Variants in AGO2 observed in about 807,000 individuals in gnomAD.
The protein encoded by AGO2 is argonaute RISC catalytic component 2.
Under a neutral mutation model 102.3 loss-of-function variants are expected in AGO2, and 5 were observed. The ratio of observed to expected loss-of-function variants is 0.05; its 90% CI spans 0.03 to 0.10. The LOEUF is 0.10. AGO2 is among the 10% of genes least tolerant of loss of function. The pLI is 1.00. For missense variants in AGO2, 541 were observed against 1,183.7 expected, an observed-to-expected ratio of 0.46 and a Z score of 7.97; for synonymous variants, 449 against 473.1, an observed-to-expected ratio of 0.95 and a Z score of 0.66.
Position 140,598,853 on chromosome 8 carries a change from C to T in AGO2, c.23-13542G>A, listed in dbSNP as rs1047370867. ...TTCAGGGCCCAAACCCAGACACCTC[C>T]TTGCAGGACTCATGGCTACCGTGGG... On this transcript the variant is annotated intron_variant, in intron 1 of 18. Transcript: ENST00000220592. Among the ~76,000 whole-genome samples, 9 of 152,216 alleles carry T rather than the reference C, an allele frequency of 5.9e-5. 1 individual carries two copies. The highest frequency in any genetic ancestry group is 1.7e-4 in the African/African-American group (7 of 41,450).
At chr8:140,617,599 A>G (rs1381212271) in intron 1 of AGO2, among the ~76,000 whole-genome samples, 1 of 152,142 alleles carries the variant, frequency 6.6e-6, no homozygotes, top group Non-Finnish European at 1.5e-5. Context: ...GATGACACCA[A>G]TGTCGGTCAC....
chr8:140,611,295 CA>C (rs2074074795), intron 1 of AGO2, among the ~76,000 whole-genome samples: 1 of 151,932 alleles, frequency 6.6e-6, no homozygotes, highest in Non-Finnish European at 1.5e-5. Context: ...CAGCAAAAAG[CA>C]TCAAGTTTAT....
chr8:140,551,655 A>ATGGGTGGGTGGATGGTTGC (rs2072998369), intron 10 of AGO2, among the ~76,000 whole-genome samples: 1 of 149,124 alleles, frequency 6.7e-6, no homozygotes, highest in African/African-American at 2.5e-5. Flanking sequence ...TGGATGGTTG[A>ATGGGTGGGTGGATGGTTGC]TGGGTGGGTG....
At chr8:140,547,396 A>G in intron 13 of AGO2, 72 bp downstream of exon 13, 2 of 1,562,682 alleles carry the variant, frequency 1.3e-6, no homozygotes, top group Non-Finnish European at 1.7e-6. Context: ...CCCCCTGCAT[A>G]CTGCACCCCA....
rs947233509 is a variant in AGO2 at position 140,522,014 on chromosome 8, C to G, written c.*10030G>C. 3 of 146,218 alleles carry G rather than the reference C, an allele frequency of 2.1e-5. No individual in the cohort carries two copies. In the East Asian group the frequency reaches 5.9e-4, roughly 29 times the overall value. 9.1% of individuals were successfully genotyped at this position (146,218 alleles called of 1,614,324 possible). The stretch of plus-strand genomic sequence containing the variant: ...TTTGCTCTTGGACATTTTTTTTTTT[C>G]TTTTCACAGGGGGGCAGTCGGGATT... On this transcript the variant is annotated 3_prime_UTR_variant, in exon 19 of 19. Transcript: ENST00000220592.
At chr8:140,639,754 C>T (rs2074430451), upstream of AGO2, among the ~76,000 whole-genome samples, 1 of 152,188 alleles carries the variant, frequency 6.6e-6, no homozygotes, top group African/African-American at 2.4e-5. Flanking sequence ...GCCTGGGTGA[C>T]AGAGTGAGAC....
At chr8:140,547,649 C>T (rs1281588718) in intron 12 of AGO2, 22 bp from the exon 13 acceptor site, 10 of 1,598,368 alleles carry the variant, frequency 6.3e-6, no homozygotes, top group African/African-American at 1.3e-5. Context: ...GAGAGGCACA[C>T]ACAGCTCTGC....
intron 4 of AGO2, among the ~76,000 whole-genome samples, chr8:140,560,838 T>C (rs1252075358): frequency 1.3e-5 from 2 of 152,248 alleles, no homozygotes; most frequent in East Asian, 3.9e-4. Context: ...CTCGCCTTAC[T>C]GTCCTCACTG....
Position 140,535,523 on chromosome 8 carries a change from T to G in AGO2, c.2216A>C (p.Lys739Thr). Residue 739 changes from lysine to threonine, a missense_variant, in exon 17 of 19, where the codon AAA becomes ACA. By Grantham distance (78) the Lys-to-Thr change is moderately conservative. Coordinates refer to ENST00000220592, the MANE Select transcript of AGO2 (RefSeq NM_012154.5). ...NIPAGTTVDT[K>T]ITHPTEFDFY... ...GTCGAACTCGGTGGGGTGGGTGATT[T>G]TCGTGTCCACAGTCGTGCCTGCTGG... 1 of 1,614,236 alleles carries G rather than the reference T, an allele frequency of 6.2e-7. No homozygotes were observed. The highest frequency in any genetic ancestry group is 8.5e-7 in the Non-Finnish European group (1 of 1,180,034).
rs1401370448 is a variant in AGO2 at position 140,527,892 on chromosome 8, T to C, written c.*4152A>G. On this transcript the variant is annotated 3_prime_UTR_variant, in exon 19 of 19. Transcript: ENST00000220592. The surrounding 1 kb of genome is among the most constrained non-coding windows in gnomAD (Gnocchi z 6.0). ...AGGAAAATGCCCATGAAAAATCCTT[T>C]TAACTGTCCAGCGGGTCACAGTCCC... The C allele has an allele frequency of 6.6e-6, 1 of 152,142 alleles. No individual in the cohort carries two copies. The highest frequency in any genetic ancestry group is 2.4e-5 in the African/African-American group (1 of 41,428). The allele number at this position is 152,142 out of a possible 1,614,324, so 9.4% of individuals were successfully genotyped here.
chr8:140,534,816 T>TC (rs2072666795), intron 17 of AGO2, among the ~76,000 whole-genome samples: 1 of 152,144 alleles, frequency 6.6e-6, no homozygotes. Context: ...GTTCCTCCTG[T>TC]CCCCCGGGCG....
Position 140,614,217 on chromosome 8 carries a change from G to A in AGO2, c.22+21268C>T, listed in dbSNP as rs535610199. ...GTGCTTGTAGTAGTCCCAGCTACTC[G>A]GGAGGCAGAGGCAGGAGAACTGCTT... On this transcript the variant is annotated intron_variant, in intron 1 of 18. Coordinates refer to ENST00000220592, the MANE Select transcript of AGO2 (RefSeq NM_012154.5). 4.6e-5 allele frequency among the ~76,000 whole-genome samples: 7 copies of A among 152,088 alleles called. No homozygotes were observed. In the South Asian group the frequency reaches 1.2e-3, roughly 27 times the overall value.
At chr8:140,590,828 C>T (rs2073737205) in intron 1 of AGO2, among the ~76,000 whole-genome samples, 1 of 152,156 alleles carries the variant, frequency 6.6e-6, no homozygotes, top group African/African-American at 2.4e-5. Context: ...GGAATGCTGG[C>T]CATCAACCAG....
At chr8:140,579,130 G>A (rs2073511771) in intron 2 of AGO2, among the ~76,000 whole-genome samples, 1 of 151,972 alleles carries the variant, frequency 6.6e-6, no homozygotes, top group Non-Finnish European at 1.5e-5. Context: ...GGCTGAGGTG[G>A]AAGGATTGCT....
chr8:140,541,952 G>A (rs1211395365), intron 14 of AGO2, among the ~76,000 whole-genome samples: 1 of 152,128 alleles, frequency 6.6e-6, no homozygotes, highest in African/African-American at 2.4e-5. Flanking sequence ...ACTATCCTCT[G>A]CTTGGGATCA....
At chr8:140,598,517 G>A (rs767565020) in intron 1 of AGO2, among the ~76,000 whole-genome samples, 7 of 152,210 alleles carry the variant, frequency 4.6e-5, no homozygotes, top group African/African-American at 9.6e-5. Context: ...ATTTCCCTGT[G>A]CGTACAAGCC....
chr8:140,547,976 G>A (rs192164779), intron 12 of AGO2, among the ~76,000 whole-genome samples: 1 of 152,222 alleles, frequency 6.6e-6, no homozygotes, highest in Non-Finnish European at 1.5e-5. Context: ...GGGCAGGAGA[G>A]AAAGAGCCCA....
rs943391096 is a variant in AGO2, at chr8:140,540,425, G to C, written c.2034+739C>G. Among the ~76,000 whole-genome samples, 1 of 152,182 alleles carries C rather than the reference G, an allele frequency of 6.6e-6. No homozygotes were observed. Among genetic ancestry groups the C allele is most frequent in the Non-Finnish European group, 1.5e-5 (1 of 68,022 alleles). On this transcript the variant is annotated intron_variant, in intron 15 of 18. Transcript: ENST00000220592. The surrounding 1 kb of genome is among the most constrained non-coding windows in gnomAD (Gnocchi z 5.0). ...TCTTGCTAACACCTCCCAAGGAAGC[G>C]ACCGTGTGGCATGGCGAGGGGTGGG...
intron 1 of AGO2, among the ~76,000 whole-genome samples, chr8:140,597,483 C>CCCCCCCCCG (rs2073865184): frequency 7.2e-6 from 1 of 138,234 alleles, no homozygotes; most frequent in African/African-American, 3.0e-5. Flanking sequence ...CACCCCCCCC[C>CCCCCCCCCG]CCCCGCCCCA....
Sources: allele counts gnomAD v4.1 joint callset (sites outside exome capture counted in the v4.1 genomes callset), GRCh38; gene constraint gnomAD v4.1.1; non-coding constraint Gnocchi (gnomAD v3.1); transcripts MANE v1.5; gene names NCBI Gene and HGNC (gene_info 2026-07-23, HGNC 2026-07-21).